Variants in CFHR4 observed in about 807,000 individuals in gnomAD.
CFHR4 encodes complement factor H-related protein 4.
A neutral mutation model predicts 69.3 loss-of-function variants in CFHR4; 64 were observed. That is an observed-to-expected ratio of 0.92 (90% CI 0.76 to 1.14). The LOEUF (loss-of-function observed/expected upper bound fraction) is 1.14, where lower values mean the gene tolerates loss of function less well. Among genes scored for constraint, CFHR4 ranks in the 50% most tolerant of loss-of-function variants. CFHR4 has a pLI of 0.00. For synonymous variants in CFHR4, 244 were observed against 237.0 expected (o/e 1.03, Z -0.27); for missense variants, 636 against 684.9 (o/e 0.93, Z 0.80).
chr1:196,911,949 T>C (rs903071919), intron 6 of CFHR4, among the ~76,000 whole-genome samples: 3 of 151,450 alleles, frequency 2.0e-5, no homozygotes, highest in African/African-American at 4.9e-5. Flanking sequence ...TAAATATGCA[T>C]CATCTTTAAC....
At chr1:196,905,064 T>G in intron 2 of CFHR4, 44 bp from the exon 3 acceptor site, 2 of 1,469,878 alleles carry the variant, frequency 1.4e-6, no homozygotes, top group South Asian at 2.5e-5. Context: ...ATAAAAGAAG[T>G]ATTCAACAAA....
chr1:196,892,536 A>T (rs1657094000), intron 1 of CFHR4, among the ~76,000 whole-genome samples: 1 of 151,268 alleles, frequency 6.6e-6, no homozygotes, highest in Non-Finnish European at 1.5e-5. Context: ...CCCCAAAAAA[A>T]GTTCTGTCAA....
rs1223075136 is a variant in CFHR4, at chr1:196,903,614, C to G, written c.256+999C>G. 2.0e-5 allele frequency among the ~76,000 whole-genome samples: 3 copies of G among 150,926 alleles called. 1 individual carries two copies. Among genetic ancestry groups the G allele is most frequent in the African/African-American group, 7.4e-5 (3 of 40,726 alleles). On this transcript the variant is annotated intron_variant, in intron 2 of 9. Transcript: ENST00000608469. ...GTTGCAGTGAGCTGAGATTAGACCA[C>G]TGCACTCCAGACTCGGTGATAGAGC...
chr1:196,898,425 T>G (rs985117695), intron 1 of CFHR4, among the ~76,000 whole-genome samples: 1 of 151,608 alleles, frequency 6.6e-6, no homozygotes, highest in African/African-American at 2.4e-5. Flanking sequence ...TTTTGAGAAG[T>G]CTTTGCTTTC....
intron 1 of CFHR4, among the ~76,000 whole-genome samples, chr1:196,901,356 TAA>T (rs1657591005): frequency 6.6e-6 from 1 of 151,242 alleles, no homozygotes; most frequent in South Asian, 2.1e-4. Context: ...TGAAGATACT[TAA>T]GAGATGCAAG....
At chr1:196,917,394 AT>A (rs1281645580) in intron 9 of CFHR4, among the ~76,000 whole-genome samples, 2 of 151,842 alleles carry the variant, frequency 1.3e-5, no homozygotes, top group African/African-American at 4.8e-5. Context: ...AAACCTGCAC[AT>A]CCTGCACATG....
chr1:196,889,159 C>G (rs1007261642), intron 1 of CFHR4, among the ~76,000 whole-genome samples: 1 of 151,466 alleles, frequency 6.6e-6, no homozygotes, highest in Admixed American at 6.6e-5. Context: ...TTGAGAGTAT[C>G]TTTTCCCTCA....
intron 6 of CFHR4, 66 bp from the exon 7 acceptor site, chr1:196,912,673 CT>C: frequency 6.9e-7 from 1 of 1,442,232 alleles, no homozygotes. Flanking sequence ...CATGTTTTTA[CT>C]TGTTCCCTCC....
rs1386993280 is a variant in CFHR4, at chr1:196,914,759, A to G, written c.1357+88A>G. On this transcript the variant is annotated intron_variant, in intron 8 of 9. Transcript: ENST00000608469. ...TATATGTACACATATGTGTGTACAT[A>G]TATGTACATATATATGTAGTCCTCC... 20 of 1,406,198 alleles carry G rather than the reference A, an allele frequency of 1.4e-5. No individual in the cohort carries two copies. In the Admixed American group the frequency reaches 1.6e-4, roughly 11 times the overall value. The allele number at this position is 1,406,198 out of a possible 1,614,324, so 87.1% of individuals were successfully genotyped here. A position where few individuals can be genotyped will look rare whatever the true frequency, so the allele number is the denominator to read the frequency against.
intron 1 of CFHR4, among the ~76,000 whole-genome samples, chr1:196,898,823 C>CA (rs1657445436): frequency 6.6e-6 from 1 of 151,504 alleles, no homozygotes; most frequent in African/African-American, 2.4e-5. Context: ...GATCTGCTTC[C>CA]AACATGGCTC....
intron 3 of CFHR4, among the ~76,000 whole-genome samples, chr1:196,905,662 C>G (rs772232555): frequency 3.3e-5 from 5 of 151,418 alleles, no homozygotes; most frequent in Non-Finnish European, 7.4e-5. Context: ...ATTCCTTGCT[C>G]ACACTCTTAA....
Position 196,902,504 on chromosome 1 carries a change from G to C in CFHR4, c.145G>C (p.Gly49Arg). The C allele has an allele frequency of 6.2e-7, 1 of 1,611,460 alleles. No homozygotes were observed. The highest frequency in any genetic ancestry group is 8.5e-7 in the Non-Finnish European group (1 of 1,178,472). Reference sequence around the variant, plus strand: ...TAGACTATACTTTCCAGCAGCTGCAGGACAATCTTATTCCTATTACTGTGA... The same window carrying C: ...TAGACTATACTTTCCAGCAGCTGCACGACAATCTTATTCCTATTACTGTGA... ...LRRLYFPAAA[G>R]QSYSYYCDQN... Residue 49 changes from glycine to arginine, a missense_variant, in exon 2 of 10, where the codon GGA (glycine) becomes CGA (arginine). Gly to Arg is a moderately radical substitution (Grantham distance 125). This residue lies in a region of CFHR4 where 529 missense variants were observed against 533.2 expected (regional missense o/e 0.99). Transcript: ENST00000608469.
chr1:196,907,356 T>C lies in CFHR4; in HGVS notation c.657T>C (p.Asn219=). 1 of 1,612,070 alleles carries C rather than the reference T, an allele frequency of 6.2e-7. No individual in the cohort carries two copies. Among genetic ancestry groups the C allele is most frequent in the Non-Finnish European group, 8.5e-7 (1 of 1,179,060 alleles). Residue 219 remains asparagine (N), a synonymous_variant, in exon 5 of 10, where the codon AAT becomes AAC. Coordinates refer to ENST00000608469, the MANE Select transcript of CFHR4 (RefSeq NM_001201550.3). ...GTGGGCCTCCTCCACCTATTAGCAA[T>C]GGAGATACCACGTCCTTCCCGCAAA... is the stretch of plus-strand genomic sequence containing the variant. ...ENCGPPPPIS[N]GDTTSFPQKV...
chr1:196,891,096 C>A (rs1238866975), intron 1 of CFHR4, among the ~76,000 whole-genome samples: 1 of 150,964 alleles, frequency 6.6e-6, no homozygotes, highest in Non-Finnish European at 1.5e-5. Flanking sequence ...ACTAAAAATT[C>A]AAAAAATTAG....
intron 1 of CFHR4, among the ~76,000 whole-genome samples, chr1:196,894,907 C>CAACAACAACAAT (rs1005477737): frequency 6.6e-6 from 1 of 150,820 alleles, no homozygotes; most frequent in African/African-American, 2.5e-5. Flanking sequence ...ACAACAACAA[C>CAACAACAACAAT]AAATTATTCA....
At chr1:196,918,158 G>T in intron 9 of CFHR4, 52 bp from the exon 10 acceptor site, 4 of 1,551,570 alleles carry the variant, frequency 2.6e-6, no homozygotes, top group Non-Finnish European at 2.6e-6. Context: ...CATTTTATTT[G>T]CTCATGAAAG....
Position 196,907,475 on chromosome 1 carries a change from G to A in CFHR4, c.776G>A (p.Trp259Ter), listed in dbSNP as rs1657979672. The A allele has an allele frequency of 6.2e-7, 1 of 1,610,890 alleles. No individual in the cohort carries two copies. The highest frequency in any genetic ancestry group is 8.5e-7 in the Non-Finnish European group (1 of 1,178,506). Residue 259 changes from tryptophan (W) to a stop codon, truncating the protein, a stop_gained, in exon 5 of 10, where the codon TGG becomes TAG. Transcript: ENST00000608469. LOFTEE classifies it high-confidence loss of function. Reference sequence around the variant, plus strand: ...TATGTAACATGTAGTAATGGAGACTGGTCAGAACCACCAAGATGCATATGT... The same window carrying A: ...TATGTAACATGTAGTAATGGAGACTAGTCAGAACCACCAAGATGCATATGT... Reference protein sequence around the residue: ...SKYVTCSNGDWSEPPRCISMK... With the variant: ...SKYVTCSNGD
chr1:196,892,099 G>A (rs1036786124), intron 1 of CFHR4, among the ~76,000 whole-genome samples: 1 of 151,520 alleles, frequency 6.6e-6, no homozygotes, highest in Non-Finnish European at 1.5e-5. Flanking sequence ...ACTTGGTATA[G>A]TTTTAGATAA....
chr1:196,906,284 G>C (rs116691791), intron 3 of CFHR4, among the ~76,000 whole-genome samples: 2,679 of 151,368 alleles, frequency 0.018, 144 homozygotes, highest in African/African-American at 0.06. Context: ...ATATCAATTC[G>C]TACATTTCTA....
Sources: gnomAD v4.1 joint callset for allele counts (sites outside exome capture counted in the v4.1 genomes callset) on GRCh38, gnomAD v4.1.1 for gene constraint, gnomAD v4.1.1 regional missense constraint, MANE v1.5 for transcripts, NCBI Gene and HGNC (gene_info 2026-07-23, HGNC 2026-07-21) for gene names.